Variants in SEZ6L observed in about 807,000 individuals in gnomAD.
SEZ6L encodes the protein seizure 6-like protein.
A neutral mutation model predicts 106.2 loss-of-function variants in SEZ6L; 37 were observed. The ratio of observed to expected loss-of-function variants is 0.35; its 90% CI spans 0.27 to 0.46. SEZ6L has a LOEUF of 0.46. Among genes scored for constraint, SEZ6L ranks in the 20% least tolerant of loss-of-function variants. The pLI, the probability that SEZ6L is intolerant of heterozygous loss-of-function variation, is 1.00. For synonymous variants in SEZ6L, 541 were observed against 570.4 expected (o/e 0.95, Z 0.73); for missense variants, 1,172 against 1,332.8 (o/e 0.88, Z 1.88).
chr22:26,326,385 G>C (rs16981743), intron 9 of SEZ6L, among the ~76,000 whole-genome samples: 10,574 of 152,246 alleles, frequency 0.069, 578 homozygotes, highest in Admixed American at 0.18. Flanking sequence ...ATACCATGTG[G>C]CTAGAGTTGC....
At chr22:26,263,976 G>C (rs1451087854) in intron 1 of SEZ6L, among the ~76,000 whole-genome samples, 2 of 152,204 alleles carry the variant, frequency 1.3e-5, no homozygotes, top group Non-Finnish European at 2.9e-5. Context: ...CCAGAAAGTA[G>C]AGTGATCTTT....
intron 9 of SEZ6L, among the ~76,000 whole-genome samples, chr22:26,335,595 T>C (rs1395718202): frequency 2.0e-5 from 3 of 152,220 alleles, no homozygotes; most frequent in Non-Finnish European, 4.4e-5. Context: ...TCCCTTTTGC[T>C]GGGGTTCTAT....
At chr22:26,279,283 C>A (rs148714044) in intron 1 of SEZ6L, among the ~76,000 whole-genome samples, 1 of 152,122 alleles carries the variant, frequency 6.6e-6, no homozygotes, top group Non-Finnish European at 1.5e-5. Context: ...TCTCCTCCCA[C>A]GGAGGGTGAA....
chr22:26,171,048 G>C (rs1414774514), intron 1 of SEZ6L, among the ~76,000 whole-genome samples: 1 of 152,150 alleles, frequency 6.6e-6, no homozygotes, highest in Non-Finnish European at 1.5e-5. Flanking sequence ...AACCCTTCCC[G>C]GTGGCCTGGA....
At chr22:26,224,064 C>T (rs150275346) in intron 1 of SEZ6L, among the ~76,000 whole-genome samples, 64 of 152,098 alleles carry the variant, frequency 4.2e-4, no homozygotes, top group African/African-American at 1.5e-3. Flanking sequence ...AATAAAATGT[C>T]TCAAGGAGAA....
rs144932055 is a variant in SEZ6L at position 26,362,174 on chromosome 22, G to T, written c.2600-3198G>T. 4.0e-4 allele frequency among the ~76,000 whole-genome samples: 61 copies of T among 152,314 alleles called. 1 individual carries two copies. In the East Asian group the frequency reaches 0.011, roughly 28 times the overall value. On this transcript the variant is annotated intron_variant, in intron 12 of 16. Coordinates refer to ENST00000248933, the MANE Select transcript of SEZ6L (RefSeq NM_021115.5). ...ATCCATAAACACATAATAGAGTGCT[G>T]CCTTGGAGGGAGCCCCATGATTGAC...
At chr22:26,343,201 G>A (rs76929387) in intron 10 of SEZ6L, among the ~76,000 whole-genome samples, 14,206 of 151,942 alleles carry the variant, frequency 0.093, 874 homozygotes, top group Middle Eastern at 0.23. Context: ...CTGGTCTCCT[G>A]GCTCCTGTCT....
intron 1 of SEZ6L, among the ~76,000 whole-genome samples, chr22:26,197,422 C>G (rs79898745): frequency 1.3e-5 from 2 of 152,150 alleles, no homozygotes; most frequent in Non-Finnish European, 1.5e-5. Context: ...GGGGAAAGCC[C>G]GAGCCTGGTC....
chr22:26,195,737 GTA>G (rs750175612), intron 1 of SEZ6L, among the ~76,000 whole-genome samples: 6 of 151,898 alleles, frequency 4.0e-5, no homozygotes, highest in Non-Finnish European at 8.8e-5. Context: ...GTATGTGTAT[GTA>G]TGTGTGTGTG....
At chr22:26,183,997 G>A (rs1393372426) in intron 1 of SEZ6L, among the ~76,000 whole-genome samples, 7 of 152,238 alleles carry the variant, frequency 4.6e-5, no homozygotes, top group African/African-American at 9.6e-5. Context: ...TAGTACTATG[G>A]AAAATTACTT....
At chr22:26,198,941 G>A (rs762453025) in intron 1 of SEZ6L, among the ~76,000 whole-genome samples, 44 of 152,350 alleles carry the variant, frequency 2.9e-4, no homozygotes, top group Admixed American at 1.0e-3. Flanking sequence ...CATGTGGCAT[G>A]TTCTGGCCAA....
chr22:26,258,821 C>A (rs1306697671), intron 1 of SEZ6L, among the ~76,000 whole-genome samples: 1 of 152,018 alleles, frequency 6.6e-6, no homozygotes, highest in African/African-American at 2.4e-5. Context: ...GCCTTATACA[C>A]AATGTTTGAA....
At chr22:26,314,527 C>T (rs562974357) in intron 9 of SEZ6L, among the ~76,000 whole-genome samples, 1 of 152,346 alleles carries the variant, frequency 6.6e-6, no homozygotes, top group South Asian at 2.1e-4. Flanking sequence ...CTGGGTCTGA[C>T]TACCCTCTGT....
intron 1 of SEZ6L, among the ~76,000 whole-genome samples, chr22:26,237,436 G>C (rs1048728159): frequency 1.3e-5 from 2 of 152,206 alleles, no homozygotes; most frequent in African/African-American, 4.8e-5. Context: ...CACTTATACA[G>C]TGGATAAACC....
At chr22:26,174,349 G>C (rs1026181186) in intron 1 of SEZ6L, among the ~76,000 whole-genome samples, 1 of 152,156 alleles carries the variant, frequency 6.6e-6, no homozygotes, top group African/African-American at 2.4e-5. Flanking sequence ...TCACACCCCC[G>C]CGGAATTGGA....
intron 9 of SEZ6L, among the ~76,000 whole-genome samples, chr22:26,315,217 T>C (rs2081963635): frequency 6.6e-6 from 1 of 152,208 alleles, no homozygotes; most frequent in Non-Finnish European, 1.5e-5. Flanking sequence ...CGGTGGCTCA[T>C]GCCTACAACC....
chr22:26,380,467 T>C lies in SEZ6L; in HGVS notation c.*172T>C. The stretch of plus-strand genomic sequence containing the variant: ...TCCCTGTATTTATTATATTTAAAAG[T>C]GAAATAGGTGTGGGTTTGGATGTTT... On this transcript the variant is annotated 3_prime_UTR_variant, in exon 17 of 17. Transcript: ENST00000248933. 1 of 496,858 alleles carries C rather than the reference T, an allele frequency of 2.0e-6. No homozygotes were observed. The highest frequency in any genetic ancestry group is 3.5e-6 in the Non-Finnish European group (1 of 282,028). 30.8% of individuals were successfully genotyped at this position (496,858 alleles called of 1,614,324 possible).
intron 6 of SEZ6L, 84 bp downstream of exon 6, chr22:26,306,228 C>T (rs1368033662): frequency 2.7e-6 from 4 of 1,475,274 alleles, no homozygotes; most frequent in East Asian, 4.6e-5. Context: ...CTTGAAATGG[C>T]TGAAGCTTTG....
intron 1 of SEZ6L, among the ~76,000 whole-genome samples, chr22:26,282,544 G>A (rs1430745734): frequency 6.6e-6 from 1 of 152,194 alleles, no homozygotes; most frequent in Non-Finnish European, 1.5e-5. Context: ...GAGCATGTCT[G>A]CAAAGCACCC....
Sources: allele counts gnomAD v4.1 joint callset (sites outside exome capture counted in the v4.1 genomes callset), GRCh38; gene constraint gnomAD v4.1.1; transcripts MANE v1.5; gene names NCBI Gene and HGNC (gene_info 2026-07-23, HGNC 2026-07-21).